Variants in AUH observed in about 807,000 individuals in gnomAD.
The protein encoded by AUH is AU RNA binding methylglutaconyl-CoA hydratase, also known as methylglutaconyl-CoA hydratase, mitochondrial.
AUH carries 29 observed loss-of-function variants against 42.3 expected under a neutral mutation model. That is an observed-to-expected ratio of 0.69 (90% confidence interval 0.51 to 0.93). The LOEUF (loss-of-function observed/expected upper bound fraction) is 0.93. Ranked by LOEUF, AUH falls within the 40% of genes least tolerant of loss-of-function variation. AUH has a pLI of 0.00. For synonymous variants in AUH, 174 were observed against 166.4 expected (o/e 1.05, Z -0.35); for missense variants, 452 against 438.1 (o/e 1.03, Z -0.28).
intron 6 of AUH, chr9:91,294,570 C>G: frequency 2.7e-6 from 1 of 367,264 alleles, no homozygotes; most frequent in Non-Finnish European, 5.4e-6. Flanking sequence ...AAAACAAAAA[C>G]CACATTTCAT....
chr9:91,298,119 T>C (rs1334720388), intron 4 of AUH, 43 bp from the exon 5 acceptor site: 8 of 1,426,486 alleles, frequency 5.6e-6, no homozygotes, highest in Non-Finnish European at 7.9e-6. Context: ...ATAAGATTAT[T>C]ATCTCACTGT....
intron 3 of AUH, among the ~76,000 whole-genome samples, chr9:91,332,237 C>G (rs1163217290): frequency 1.3e-5 from 2 of 152,218 alleles, no homozygotes; most frequent in Non-Finnish European, 2.9e-5. Flanking sequence ...CGCGGTGGCT[C>G]ACGCCTGGAA....
intron 6 of AUH, among the ~76,000 whole-genome samples, chr9:91,268,006 T>C (rs1313500370): frequency 6.6e-6 from 1 of 152,154 alleles, no homozygotes. Context: ...TACGGGCTGC[T>C]CTGGTCTTCA....
intron 6 of AUH, among the ~76,000 whole-genome samples, chr9:91,238,302 G>A (rs1209646528): frequency 6.6e-6 from 1 of 152,162 alleles, no homozygotes; most frequent in Non-Finnish European, 1.5e-5. Flanking sequence ...AATCAGGTCT[G>A]CAAACCAAAT....
rs33921748 is a variant in AUH, at chr9:91,321,490, AAAATT to A, written c.505+3823_505+3827del. On this transcript the variant is annotated intron_variant, in intron 4 of 9. Coordinates refer to ENST00000375731, the MANE Select transcript of AUH (RefSeq NM_001698.3). ...AACTCCCTATCAAAGCGAAGACCTT[AAAATT>A]AAAAGCTTTATGACTCCAAAAAGCA... 5.9e-3 allele frequency among the ~76,000 whole-genome samples: 897 copies of A among 152,306 alleles called. 8 individuals carry two copies. Among genetic ancestry groups the A allele is most frequent in the African/African-American group, 0.021 (855 of 41,570 alleles).
chr9:91,252,901 C>T (rs112569739), intron 6 of AUH, among the ~76,000 whole-genome samples: 6,662 of 152,190 alleles, frequency 0.044, 237 homozygotes, highest in Non-Finnish European at 0.058. Flanking sequence ...AATGAGAATA[C>T]GCAAACTTTT....
intron 9 of AUH, 91 bp downstream of exon 9, chr9:91,215,968 A>C (rs1826795982): frequency 8.1e-6 from 11 of 1,363,772 alleles, no homozygotes; most frequent in Non-Finnish European, 1.0e-5. Flanking sequence ...CGCAAGGGTA[A>C]TCTTGCTCAG....
chr9:91,317,211 T>TG (rs1367658525), intron 4 of AUH, among the ~76,000 whole-genome samples: 1 of 152,188 alleles, frequency 6.6e-6, no homozygotes, highest in East Asian at 1.9e-4. Context: ...TTTGGCTATT[T>TG]GGGGGTCTCT....
At chr9:91,337,702 T>A (rs546272110) in intron 3 of AUH, among the ~76,000 whole-genome samples, 4 of 152,326 alleles carry the variant, frequency 2.6e-5, no homozygotes, top group South Asian at 4.1e-4. Flanking sequence ...GCTTATAGTT[T>A]AAGTCAATTT....
chr9:91,236,129 A>G (rs1253726784), intron 6 of AUH, among the ~76,000 whole-genome samples: 1 of 152,210 alleles, frequency 6.6e-6, no homozygotes, highest in African/African-American at 2.4e-5. Context: ...GGAAAAGCAA[A>G]CATACTAGGG....
At chr9:91,335,560 T>C (rs1830632669) in intron 3 of AUH, among the ~76,000 whole-genome samples, 2 of 152,242 alleles carry the variant, frequency 1.3e-5, no homozygotes, top group South Asian at 2.1e-4. Flanking sequence ...GCTCACTTCA[T>C]TTCCTTTCAT....
chr9:91,345,369 T>C (rs1336079107), intron 3 of AUH, among the ~76,000 whole-genome samples: 1 of 151,982 alleles, frequency 6.6e-6, no homozygotes, highest in East Asian at 1.9e-4. Flanking sequence ...AAAGACAATA[T>C]ACAAAAATCA....
chr9:91,330,551 A>G (rs746926226), intron 3 of AUH, among the ~76,000 whole-genome samples: 15 of 152,240 alleles, frequency 9.9e-5, no homozygotes, highest in Non-Finnish European at 1.8e-4. Context: ...AAACCAGTAC[A>G]ATCATTTTGG....
At chr9:91,244,086 A>G (rs575583210) in intron 6 of AUH, among the ~76,000 whole-genome samples, 1 of 152,228 alleles carries the variant, frequency 6.6e-6, no homozygotes, top group African/African-American at 2.4e-5. Flanking sequence ...AAAACAAAAC[A>G]AAACCAAACG....
chr9:91,232,948 T>G (rs1410477637), intron 6 of AUH, among the ~76,000 whole-genome samples: 1 of 152,262 alleles, frequency 6.6e-6, no homozygotes, highest in African/African-American at 2.4e-5. Context: ...CCTCACATGC[T>G]GTCTACTTGT....
At chr9:91,280,709 C>CA (rs1181066766) in intron 6 of AUH, among the ~76,000 whole-genome samples, 1 of 152,140 alleles carries the variant, frequency 6.6e-6, no homozygotes, top group Non-Finnish European at 1.5e-5. Flanking sequence ...TTTACGCATT[C>CA]AAATATACAC....
chr9:91,275,333 ATC>A (rs1462263266), intron 6 of AUH, among the ~76,000 whole-genome samples: 1 of 152,140 alleles, frequency 6.6e-6, no homozygotes, highest in East Asian at 1.9e-4. Flanking sequence ...TATTTTCTCA[ATC>A]TCTTTTTGAA....
At chr9:91,355,764 G>T in intron 3 of AUH, 119 bp downstream of exon 3, 2 of 854,264 alleles carry the variant, frequency 2.3e-6, no homozygotes, top group Non-Finnish European at 1.9e-6. Context: ...GTAAAACACA[G>T]ACAAAGAGGA....
At chr9:91,256,531 C>T (rs1195834942) in intron 6 of AUH, among the ~76,000 whole-genome samples, 1 of 152,064 alleles carries the variant, frequency 6.6e-6, no homozygotes, top group Non-Finnish European at 1.5e-5. Context: ...AGGAAAGTCA[C>T]TGTAGTCTTA....
Sources: allele counts gnomAD v4.1 joint callset (sites outside exome capture counted in the v4.1 genomes callset), GRCh38; gene constraint gnomAD v4.1.1; transcripts MANE v1.5; gene names NCBI Gene and HGNC (gene_info 2026-07-23, HGNC 2026-07-21).